DUOX1: variants seen among roughly 807,000 people sequenced by gnomAD.
The protein encoded by DUOX1 is dual oxidase 1, also known as NADPH thyroid oxidase 1.
DUOX1 carries 134 observed loss-of-function variants against 181.8 expected under a neutral mutation model. That is an observed-to-expected ratio of 0.74 (90% confidence interval 0.64 to 0.85). The LOEUF (loss-of-function observed/expected upper bound fraction) is 0.85. Among genes scored for constraint, DUOX1 ranks in the 40% least tolerant of loss-of-function variants. DUOX1 has a pLI of 0.00. For synonymous variants in DUOX1, 798 were observed against 832.5 expected (o/e 0.96, Z 0.71); for missense variants, 1,814 against 2,064.4 (o/e 0.88, Z 2.35).
chr15:45,130,867 G>T (rs754402237), intron 1 of DUOX1, among the ~76,000 whole-genome samples: 2 of 152,206 alleles, frequency 1.3e-5, no homozygotes, highest in Non-Finnish European at 2.9e-5. Context: ...GACCGCTGTG[G>T]CTACTTCCGT....
chr15:45,143,291 G>C lies in DUOX1; in HGVS notation c.1924G>C (p.Gly642Arg), dbSNP rs746600298. 2.5e-6 allele frequency: 4 copies of C among 1,614,022 alleles called. No homozygotes were observed. The South Asian group carries it at 4.4e-5, about 18-fold the overall frequency. The change falls in exon 16 of 34, where the codon GGA becomes CGA. Residue 642 changes from glycine to arginine, a missense_variant. Around this residue, in one of 5 missense-constraint regions of DUOX1, gnomAD observed 1,064 missense variants for 1,152.9 expected, o/e 0.92. Coordinates refer to ENST00000389037, the MANE Select transcript of DUOX1 (RefSeq NM_175940.3). ...GAGCATCGTGTCTGAGAAGCTCGTG[G>C]GAGGCATGGAAGGTAGGTCTAGGGC... ...RQSIVSEKLV[G>R]GMEALEWQGH...
chr15:45,139,203 C>G, intron 11 of DUOX1, 35 bp downstream of exon 11: 1 of 1,613,730 alleles, frequency 6.2e-7, no homozygotes, highest in Non-Finnish European at 8.5e-7. Context: ...GTTGTGAACT[C>G]CTGGCCTCTG....
intron 27 of DUOX1, 56 bp downstream of exon 27, chr15:45,154,056 TG>T: frequency 6.4e-7 from 1 of 1,559,056 alleles, no homozygotes; most frequent in Non-Finnish European, 8.9e-7. Context: ...TTCAAGGCTC[TG>T]GGTTCTCTGC....
chr15:45,133,792 A>G (rs1896212456), intron 2 of DUOX1, 72 bp from the exon 3 acceptor site: 1 of 1,343,982 alleles, frequency 7.4e-7, no homozygotes. Context: ...CACAGCACCC[A>G]TATCCGGCAG....
In DUOX1 at chr15:45,147,956, G is replaced by A. The variant is rs943086539; in HGVS notation, c.2601G>A (p.Gly867=). 6.2e-7 allele frequency: 1 copy of A among 1,614,156 alleles called. No homozygotes were observed. Among genetic ancestry groups the A allele is most frequent in the Non-Finnish European group, 8.5e-7 (1 of 1,179,980 alleles). Residue 867 remains glycine (G), a synonymous_variant, in exon 20 of 34, where the codon GGG becomes GGA. Transcript: ENST00000389037. ...RLMFRMYDFD[G]NGLISKDEFI... ...TGTTCCGCATGTACGACTTTGATGG[G>A]AATGGCCTCATTTCCAAGGATGAGT...
intron 10 of DUOX1, 77 bp downstream of exon 10, chr15:45,138,091 T>TGTGC (rs1207400821): frequency 3.0e-6 from 3 of 1,008,504 alleles, no homozygotes; most frequent in Non-Finnish European, 4.2e-6. Context: ...TGTGTGTGTG[T>TGTGC]GTGTGTGTGT....
At chr15:45,142,454 G>A (rs574589814) in intron 15 of DUOX1, among the ~76,000 whole-genome samples, 2 of 152,124 alleles carry the variant, frequency 1.3e-5, no homozygotes, top group African/African-American at 2.4e-5. Flanking sequence ...GACGGGGCGC[G>A]GTGGCTCATG....
Position 45,135,263 on chromosome 15 carries a change from G to A in DUOX1, c.467G>A (p.Gly156Glu), listed in dbSNP as rs774525283. The A allele has an allele frequency of 1.2e-6, 2 of 1,612,566 alleles. No homozygotes were observed. The highest frequency in any genetic ancestry group is 2.2e-5 in the East Asian group (1 of 44,820). The change falls in exon 5 of 34, where the codon GGA (glycine) becomes GAA (glutamate). Residue 156 changes from glycine to glutamate, a missense_variant. Transcript: ENST00000389037. ...AGAAGCCGCTGGGACCCCGAGACCG[G>A]ACGGAGTCCCAGCAATCCCCGGGAC... ...FQRSRWDPET[G>E]RSPSNPRDPA... is the part of the protein sequence containing the mutation.
Position 45,160,856 on chromosome 15 carries a change from T to G in DUOX1, c.3722T>G (p.Phe1241Cys), listed in dbSNP as rs745475682. 1 of 1,610,130 alleles carries G rather than the reference T, an allele frequency of 6.2e-7. No individual in the cohort carries two copies. The highest frequency in any genetic ancestry group is 2.2e-5 in the East Asian group (1 of 44,870). The change falls in exon 29 of 34, where the codon TTT becomes TGT. Residue 1241 changes from phenylalanine to cysteine, a missense_variant. This residue lies in a region of DUOX1 where 279 missense variants were observed against 381.9 expected (regional missense o/e 0.73). Transcript: ENST00000389037. Reference sequence around the variant, plus strand: ...ATCTAGCTCATCATCCATGGTAGCTTTGCCCTGATCCAGCTGCCCCGTTTC... The same window carrying G: ...ATCTAGCTCATCATCCATGGTAGCTGTGCCCTGATCCAGCTGCCCCGTTTC... ...LYVLLIIHGSFALIQLPRFHI... is the reference protein window; with the variant it reads ...LYVLLIIHGSCALIQLPRFHI...
In DUOX1 at chr15:45,163,521, T is replaced by C. The variant is rs1208044105; in HGVS notation, c.4249-11T>C. 6.2e-7 allele frequency: 1 copy of C among 1,613,836 alleles called. No individual in the cohort carries two copies. Among genetic ancestry groups the C allele is most frequent in the East Asian group, 2.2e-5 (1 of 44,876 alleles). ...TGAGATGGGTCCTGAACTCCAGCCC[T>C]GTGTCCCCAGATCTACTTCATCTGG... On this transcript the variant is annotated splice_polypyrimidine_tract_variant and intron_variant, in intron 31 of 33. Transcript: ENST00000389037.
chr15:45,135,956 G>T lies in DUOX1; in HGVS notation c.864+8G>T. On this transcript the variant is annotated splice_region_variant and intron_variant, in intron 7 of 33. Transcript: ENST00000389037. ...GTCATCGCCACCTACCAGGTCAGCC[G>T]TCCGCGCCCCGCGACGTCCTCCCTT... 7.3e-7 allele frequency: 1 copy of T among 1,361,088 alleles called. No individual in the cohort carries two copies. The highest frequency in any genetic ancestry group is 2.5e-5 in the East Asian group (1 of 40,318). The allele number at this position is 1,361,088 out of a possible 1,614,324, so 84.3% of individuals were successfully genotyped here. A position where few individuals can be genotyped will look rare whatever the true frequency, so the allele number is the denominator to read the frequency against.
chr15:45,132,481 T>C (rs1025243386), intron 2 of DUOX1, among the ~76,000 whole-genome samples: 8 of 152,250 alleles, frequency 5.3e-5, no homozygotes, highest in East Asian at 1.9e-4. Flanking sequence ...AAGAGTTTCA[T>C]GTTGCTGCCT....
intron 28 of DUOX1, among the ~76,000 whole-genome samples, chr15:45,158,431 G>A (rs1368747278): frequency 2.6e-5 from 4 of 152,098 alleles, no homozygotes; most frequent in African/African-American, 4.8e-5. Flanking sequence ...TCTGTTGGCC[G>A]AGTGCAGTGG....
chr15:45,140,763 A>C (rs907269942), intron 12 of DUOX1, 132 bp from the exon 13 acceptor site: 30 of 836,374 alleles, frequency 3.6e-5, no homozygotes, highest in Non-Finnish European at 5.4e-5. Context: ...CATAATAAGC[A>C]CTGTATAGGA....
rs1192096735 is a variant in DUOX1, at chr15:45,134,198, C to T, written c.196C>T (p.Pro66Ser). The part of the protein sequence containing the change: ...PASYADGVYQ[P>S]LGEPHLPNPR... The stretch of plus-strand genomic sequence containing the variant: ...CAGCTATGCAGATGGCGTGTACCAG[C>T]CCTTGGGAGAACCCCACCTGCCCAA... Residue 66 changes from proline to serine, a missense_variant, in exon 4 of 34, where the codon CCC (proline) becomes TCC (serine). Transcript: ENST00000389037. 5.1e-6 allele frequency: 8 copies of T among 1,558,888 alleles called. No individual in the cohort carries two copies. The highest frequency in any genetic ancestry group is 2.1e-5 in the Admixed American group (1 of 48,490).
At chr15:45,158,545 CA>C (rs1194800166) in intron 28 of DUOX1, among the ~76,000 whole-genome samples, 1 of 151,276 alleles carries the variant, frequency 6.6e-6, no homozygotes, top group South Asian at 2.1e-4. Flanking sequence ...CCCGTCTCTA[CA>C]AAAAAATTAG....
At chr15:45,142,444 G>A (rs537434411) in intron 15 of DUOX1, among the ~76,000 whole-genome samples, 1 of 152,324 alleles carries the variant, frequency 6.6e-6, no homozygotes, top group African/African-American at 2.4e-5. Flanking sequence ...CAAGGGCTAA[G>A]ACGGGGCGCG....
At chr15:45,146,619 C>A (rs1437872754) in intron 18 of DUOX1, among the ~76,000 whole-genome samples, 2 of 152,240 alleles carry the variant, frequency 1.3e-5, no homozygotes, top group African/African-American at 2.4e-5. Context: ...ACCGAAGAGA[C>A]TTGCATGAGG....
At position 45,143,174 on chromosome 15, in the gene DUOX1, G is replaced by C. The variant is rs763091926; in HGVS notation, c.1823-16G>C. ...GACCCCCACGTCTCCCTGAACCTCTGCCTCTGCCCTCCCAGTGAGCCTGCT... is the reference window on the plus strand; with the variant it reads ...GACCCCCACGTCTCCCTGAACCTCTCCCTCTGCCCTCCCAGTGAGCCTGCT... On this transcript the variant is annotated splice_polypyrimidine_tract_variant and intron_variant, in intron 15 of 33. Transcript: ENST00000389037. 6.2e-7 allele frequency: 1 copy of C among 1,609,620 alleles called. No homozygotes were observed.
Sources: gnomAD v4.1 joint callset for allele counts (sites outside exome capture counted in the v4.1 genomes callset) on GRCh38, gnomAD v4.1.1 for gene constraint, gnomAD v4.1.1 regional missense constraint, MANE v1.5 for transcripts, NCBI Gene and HGNC (gene_info 2026-07-23, HGNC 2026-07-21) for gene names.